The following ARAP1 variants were observed in gnomAD, a reference collection of about 807,000 sequenced individuals.
ARAP1 encodes ArfGAP with RhoGAP domain, ankyrin repeat and PH domain 1.
In ARAP1, 76 loss-of-function variants were observed where a neutral mutation model predicts 172.2. That is an observed-to-expected ratio of 0.44 (90% CI 0.37 to 0.53). The LOEUF (loss-of-function observed/expected upper bound fraction) is 0.53, where lower values mean the gene tolerates loss of function less well. ARAP1 is among the 20% of genes least tolerant of loss of function. The pLI, the probability that ARAP1 is intolerant of heterozygous loss-of-function variation, is 0.00. For missense variants in ARAP1, 1,686 were observed against 1,977.5 expected (o/e 0.85, Z 2.80); for synonymous variants, 804 against 803.3 (o/e 1.00, Z -0.01).
At chr11:72,685,785 G>A (rs1009415682) in intron 34 of ARAP1, 104 bp from the exon 35 acceptor site, 22 of 1,502,644 alleles carry the variant, frequency 1.5e-5, no homozygotes, top group South Asian at 4.5e-5. Context: ...ACTGCCAGCC[G>A]GGGAGCACTC....
At chr11:72,701,122 G>A (rs1170149345) in intron 16 of ARAP1, among the ~76,000 whole-genome samples, 3 of 152,148 alleles carry the variant, frequency 2.0e-5, no homozygotes. Context: ...GCAGATACCT[G>A]GGGGAATGCA....
chr11:72,685,880 G>T, intron 34 of ARAP1, 162 bp downstream of exon 34: 1 of 1,412,030 alleles, frequency 7.1e-7, no homozygotes, highest in Non-Finnish European at 9.9e-7. Flanking sequence ...CCTTTGAATG[G>T]TGTGAACCAA....
intron 30 of ARAP1, among the ~76,000 whole-genome samples, chr11:72,690,971 A>G (rs1033468179): frequency 6.6e-6 from 1 of 152,260 alleles, no homozygotes; most frequent in South Asian, 2.1e-4. Context: ...CGTGGTAACC[A>G]GCTCACATCT....
intron 1 of ARAP1, among the ~76,000 whole-genome samples, chr11:72,743,010 T>G (rs1310241622): frequency 2.0e-5 from 3 of 152,198 alleles, no homozygotes; most frequent in Non-Finnish European, 4.4e-5. Flanking sequence ...TTCGGGCACC[T>G]CCTCAAATGC....
At position 72,738,432 on chromosome 11, in the gene ARAP1, G is replaced by A. The variant is rs548045080; in HGVS notation, c.-127-5835C>T. On this transcript the variant is annotated intron_variant, in intron 1 of 34. Coordinates refer to ENST00000393609, the MANE Select transcript of ARAP1 (RefSeq NM_001040118.3). ...GCTCTGGAGTCCTCTTGGCCAGGCCGCCTCCCCTGATTGCATCCTCAGCTC... is the reference window on the plus strand; with the variant it reads ...GCTCTGGAGTCCTCTTGGCCAGGCCACCTCCCCTGATTGCATCCTCAGCTC... Among the ~76,000 whole-genome samples the A allele has an allele frequency of 4.6e-5, 7 of 151,978 alleles. No homozygotes were observed. The South Asian group carries it at 6.2e-4, about 14-fold the overall frequency.
chr11:72,690,246 C>G (rs1048294460), intron 30 of ARAP1, among the ~76,000 whole-genome samples: 1 of 152,122 alleles, frequency 6.6e-6, no homozygotes, highest in African/African-American at 2.4e-5. Flanking sequence ...CTGCAGGAAT[C>G]AAGACATTCA....
At chr11:72,733,654 A>T (rs1188757891) in intron 1 of ARAP1, among the ~76,000 whole-genome samples, 1 of 152,200 alleles carries the variant, frequency 6.6e-6, no homozygotes, top group African/African-American at 2.4e-5. Flanking sequence ...AGGTCTGCCA[A>T]CACTAGGGTT....
At chr11:72,698,939 T>G in intron 18 of ARAP1, 66 bp downstream of exon 18, 1 of 1,515,180 alleles carries the variant, frequency 6.6e-7, no homozygotes, top group South Asian at 1.1e-5. Flanking sequence ...ATACATGGGA[T>G]TGGCCAGGAG....
chr11:72,727,992 C>CGCCT (rs1228309387), intron 2 of ARAP1, among the ~76,000 whole-genome samples: 3 of 152,154 alleles, frequency 2.0e-5, no homozygotes, highest in Non-Finnish European at 4.4e-5. Flanking sequence ...ACTAAAGAGG[C>CGCCT]ATATGATAAA....
Position 72,699,300 on chromosome 11 carries a change from C to A in ARAP1, c.2438+117G>T, listed in dbSNP as rs973606446. On this transcript the variant is annotated intron_variant, in intron 17 of 34. Coordinates refer to ENST00000393609, the MANE Select transcript of ARAP1 (RefSeq NM_001040118.3). This position sits in a 1 kb window ranked among gnomAD's most constrained non-coding sequence, Gnocchi z 4.2. ...ACTGGAGTCGGCCCTTGTGCAGCCT[C>A]CGTTTGCTGTGTGACTCTGCGGAGG... 1 of 1,510,260 alleles carries A rather than the reference C, an allele frequency of 6.6e-7. No homozygotes were observed. The highest frequency in any genetic ancestry group is 1.4e-5 in the African/African-American group (1 of 72,696). 93.6% of individuals were successfully genotyped at this position (1,510,260 alleles called of 1,614,324 possible).
At chr11:72,703,904 T>C (rs772208596) in intron 14 of ARAP1, 7 of 536,802 alleles carry the variant, frequency 1.3e-5, no homozygotes, top group South Asian at 4.5e-5. Flanking sequence ...GACTGAGGAA[T>C]TGGGAGAGAG....
chr11:72,723,831 T>C (rs1178658137), intron 3 of ARAP1, among the ~76,000 whole-genome samples: 1 of 152,220 alleles, frequency 6.6e-6, no homozygotes, highest in African/African-American at 2.4e-5. Flanking sequence ...CAAAATCGAC[T>C]AGGATCCTGG....
At position 72,750,218 on chromosome 11, in the gene ARAP1, C is replaced by G. The variant is rs143828190; in HGVS notation, c.-128+2110G>C. Among the ~76,000 whole-genome samples, 67 of 152,178 alleles carry G rather than the reference C, an allele frequency of 4.4e-4. No homozygotes were observed. In the East Asian group the frequency reaches 7.5e-3, roughly 17 times the overall value. ...ACCAGCCCTCAAGGAGCCCAGGGCCCGGTCCAGGCCCCCAAGGGTTAAGAC... is the reference window on the plus strand; with the variant it reads ...ACCAGCCCTCAAGGAGCCCAGGGCCGGGTCCAGGCCCCCAAGGGTTAAGAC... On this transcript the variant is annotated intron_variant, in intron 1 of 34. Coordinates refer to ENST00000393609, the MANE Select transcript of ARAP1 (RefSeq NM_001040118.3).
intron 3 of ARAP1, among the ~76,000 whole-genome samples, chr11:72,724,510 T>C (rs1210943502): frequency 6.6e-6 from 1 of 152,112 alleles, no homozygotes; most frequent in African/African-American, 2.4e-5. Context: ...AGGAAGGGAC[T>C]GAGAGCGGAC....
intron 1 of ARAP1, among the ~76,000 whole-genome samples, chr11:72,737,628 CTTT>C (rs58569661): frequency 6.9e-6 from 1 of 144,230 alleles, no homozygotes. Flanking sequence ...CTCATTTGTT[CTTT>C]TTTTTTTTTT....
chr11:72,711,715 A>G (rs1388587063), intron 7 of ARAP1, among the ~76,000 whole-genome samples: 1 of 21,878 alleles, frequency 4.6e-5, no homozygotes, highest in Non-Finnish European at 1.1e-4. Context: ...TTTTTTTTTG[A>G]GACAGGGTCT....
intron 23 of ARAP1, among the ~76,000 whole-genome samples, 160 bp downstream of exon 23, chr11:72,696,389 G>A (rs1282636094): frequency 2.0e-5 from 3 of 152,172 alleles, no homozygotes; most frequent in East Asian, 1.9e-4. Flanking sequence ...CCTGGGGACT[G>A]GGGAACCCTG....
In ARAP1 at chr11:72,701,905, T is replaced by C. The variant is rs930006794; in HGVS notation, c.2168-122A>G. On this transcript the variant is annotated intron_variant, in intron 15 of 34. Coordinates refer to ENST00000393609, the MANE Select transcript of ARAP1 (RefSeq NM_001040118.3). ...GAATCATCAGCCCCAGCTCCCTAAC[T>C]GGCAGCCTCAAGCTCCCCCTCCTAC... The C allele has an allele frequency of 2.5e-5, 33 of 1,320,160 alleles. No individual in the cohort carries two copies. The Admixed American group carries it at 3.6e-4, about 14-fold the overall frequency. 81.8% of individuals were successfully genotyped at this position (1,320,160 alleles called of 1,614,324 possible).
chr11:72,739,529 C>A (rs553644930), intron 1 of ARAP1, among the ~76,000 whole-genome samples: 63 of 152,288 alleles, frequency 4.1e-4, no homozygotes, highest in African/African-American at 1.5e-3. Flanking sequence ...ACCCAGTATG[C>A]AAGGCAAGTC....
Sources: allele counts gnomAD v4.1 joint callset (sites outside exome capture counted in the v4.1 genomes callset), GRCh38; gene constraint gnomAD v4.1.1; non-coding constraint Gnocchi (gnomAD v3.1); transcripts MANE v1.5; gene names NCBI Gene and HGNC (gene_info 2026-07-23, HGNC 2026-07-21).